DGKB: variants seen among roughly 807,000 people sequenced by gnomAD.
DGKB encodes the protein diacylglycerol kinase beta.
A neutral mutation model predicts 114.3 loss-of-function variants in DGKB; 67 were observed. The ratio of observed to expected loss-of-function variants is 0.59; its 90% CI spans 0.48 to 0.72. DGKB has a LOEUF of 0.72. Among genes scored for constraint, DGKB ranks in the 30% least tolerant of loss-of-function variants. The pLI, the probability that DGKB is intolerant of heterozygous loss-of-function variation, is 0.00. For synonymous variants in DGKB, 398 were observed against 323.1 expected, an observed-to-expected ratio of 1.23 and a Z score of -2.49; for missense variants, 907 against 975.2, an observed-to-expected ratio of 0.93 and a Z score of 0.93.
In DGKB at chr7:14,164,500, G is replaced by A. The variant is rs150683576; in HGVS notation, c.2304+12339C>T. Among the ~76,000 whole-genome samples the A allele has an allele frequency of 2.3e-4, 35 of 152,250 alleles. 1 individual carries two copies. The East Asian group carries it at 4.4e-3, about 19-fold the overall frequency. On this transcript the variant is annotated intron_variant, in intron 25 of 25. Coordinates refer to ENST00000402815, the MANE Select transcript of DGKB (RefSeq NM_001350709.2). ...AGATTCAAGAGTTATGTAACTATGC[G>A]GATAAACTTCATCGCACTATTTCAG...
intron 20 of DGKB, among the ~76,000 whole-genome samples, chr7:14,479,221 A>T (rs992867221): frequency 1.3e-5 from 2 of 152,162 alleles, no homozygotes; most frequent in African/African-American, 4.8e-5. Flanking sequence ...GGAAATAAAG[A>T]AGTTGTGTAT....
chr7:14,297,659 C>A (rs1415855691), intron 23 of DGKB, among the ~76,000 whole-genome samples: 1 of 152,146 alleles, frequency 6.6e-6, no homozygotes, highest in Non-Finnish European at 1.5e-5. Flanking sequence ...CAAGGATGCC[C>A]TCTCTCACCA....
intron 1 of DGKB, among the ~76,000 whole-genome samples, chr7:14,966,565 A>G (rs1157848887): frequency 6.6e-6 from 1 of 152,024 alleles, no homozygotes; most frequent in Non-Finnish European, 1.5e-5. Context: ...TAGCGTCCTA[A>G]CGTGCTGAGA....
chr7:14,586,913 C>T (rs940247485), intron 17 of DGKB, among the ~76,000 whole-genome samples: 3 of 151,784 alleles, frequency 2.0e-5, no homozygotes, highest in African/African-American at 7.3e-5. Context: ...TACCTGGTCA[C>T]CCAATATTCT....
intron 23 of DGKB, among the ~76,000 whole-genome samples, chr7:14,239,462 A>T (rs909338215): frequency 6.6e-6 from 1 of 152,028 alleles, no homozygotes; most frequent in South Asian, 2.1e-4. Context: ...TGTTTACTGT[A>T]CATTTTAATA....
At chr7:14,506,482 C>T (rs1264931266) in intron 20 of DGKB, among the ~76,000 whole-genome samples, 6 of 152,090 alleles carry the variant, frequency 3.9e-5, no homozygotes, top group African/African-American at 1.2e-4. Flanking sequence ...GAGAACTGTA[C>T]CAGGATTTAG....
At position 14,734,198 on chromosome 7, in the gene DGKB, C is replaced by T. The variant is rs1831363637; in HGVS notation, c.322+1843G>A. On this transcript the variant is annotated intron_variant, in intron 5 of 25. Transcript: ENST00000402815. ...TACAGGCGCCTGCCACCATGCCCGG[C>T]TAATTTTTTTTTTTGTATTTTTAGT... Among the ~76,000 whole-genome samples the T allele has an allele frequency of 3.7e-5, 3 of 80,270 alleles. No individual in the cohort carries two copies. The South Asian group carries it at 1.3e-3, about 35-fold the overall frequency. 52.7% of individuals were successfully genotyped at this position (80,270 alleles called of 152,430 possible).
At chr7:14,558,288 T>C (rs1180551477) in intron 20 of DGKB, among the ~76,000 whole-genome samples, 1 of 151,904 alleles carries the variant, frequency 6.6e-6, no homozygotes, top group Non-Finnish European at 1.5e-5. Context: ...CTGCTATAAA[T>C]ATTAAATTCT....
chr7:14,245,969 A>G (rs1436996338), intron 23 of DGKB, among the ~76,000 whole-genome samples: 1 of 152,170 alleles, frequency 6.6e-6, no homozygotes, highest in Non-Finnish European at 1.5e-5. Flanking sequence ...ACATGCTTTC[A>G]TGACGAGAAT....
intron 23 of DGKB, among the ~76,000 whole-genome samples, chr7:14,279,294 C>G (rs942478976): frequency 7.9e-5 from 12 of 152,166 alleles, no homozygotes; most frequent in African/African-American, 1.4e-4. Flanking sequence ...AGGCGGCAGC[C>G]AGGCGGGGGG....
chr7:14,951,579 A>ACC (rs1318810007), intron 1 of DGKB, among the ~76,000 whole-genome samples: 3 of 152,188 alleles, frequency 2.0e-5, no homozygotes, highest in African/African-American at 4.8e-5. Flanking sequence ...ATACAATAAT[A>ACC]GTGAATACAT....
chr7:14,517,639 A>T (rs1442251041), intron 20 of DGKB, among the ~76,000 whole-genome samples: 1 of 152,168 alleles, frequency 6.6e-6, no homozygotes, highest in African/African-American at 2.4e-5. Context: ...ACCTCATTAA[A>T]AAGTGGGCAA....
chr7:14,374,566 G>C (rs1818187256), intron 21 of DGKB, among the ~76,000 whole-genome samples: 1 of 152,114 alleles, frequency 6.6e-6, no homozygotes, highest in Non-Finnish European at 1.5e-5. Flanking sequence ...AGCCTTCAGA[G>C]ACTTCATTTG....
Position 14,837,501 on chromosome 7 carries a change from A to T in DGKB, c.70+3693T>A, listed in dbSNP as rs73052962. Among the ~76,000 whole-genome samples the T allele has an allele frequency of 1.7e-3, 265 of 152,338 alleles. 1 individual carries two copies. In the Middle Eastern group the frequency reaches 0.024, roughly 14 times the overall value. ...AGCAAATAAAATACTTATTTGATAT[A>T]TACCAAATATAATCTTAGCATGTTG... On this transcript the variant is annotated intron_variant, in intron 2 of 25. Transcript: ENST00000402815.
intron 1 of DGKB, among the ~76,000 whole-genome samples, chr7:14,913,387 G>A (rs1784088424): frequency 6.6e-6 from 1 of 150,804 alleles, no homozygotes; most frequent in Non-Finnish European, 1.5e-5. Context: ...TGCTCCTGTT[G>A]CTCTCACTAA....
At chr7:14,393,084 G>A (rs1438234967) in intron 21 of DGKB, among the ~76,000 whole-genome samples, 1 of 146,158 alleles carries the variant, frequency 6.8e-6, no homozygotes, top group Non-Finnish European at 1.5e-5. Flanking sequence ...TGCCCCCTGG[G>A]GTTCACGCCA....
intron 20 of DGKB, among the ~76,000 whole-genome samples, chr7:14,571,074 A>T (rs1798313625): frequency 6.6e-6 from 1 of 152,228 alleles, no homozygotes; most frequent in African/African-American, 2.4e-5. Flanking sequence ...AATCAAGCAG[A>T]CATTGCCAAA....
intron 23 of DGKB, among the ~76,000 whole-genome samples, chr7:14,202,628 T>TA (rs775348525): frequency 1.3e-5 from 2 of 152,054 alleles, no homozygotes; most frequent in South Asian, 2.1e-4. Context: ...TGTAACAATA[T>TA]AAAAAAATAT....
intron 20 of DGKB, among the ~76,000 whole-genome samples, chr7:14,498,242 T>C (rs1308767925): frequency 6.6e-6 from 1 of 151,888 alleles, no homozygotes; most frequent in African/African-American, 2.4e-5. Context: ...TGTTGATTTG[T>C]TGAAGATGCT....
Sources: gnomAD v4.1 joint callset for allele counts (sites outside exome capture counted in the v4.1 genomes callset) on GRCh38, gnomAD v4.1.1 for gene constraint, MANE v1.5 for transcripts, NCBI Gene and HGNC (gene_info 2026-07-23, HGNC 2026-07-21) for gene names.